DNAI7: variants seen among roughly 807,000 people sequenced by gnomAD.
The protein encoded by DNAI7 is cancer susceptibility 1.
DNAI7 carries 78 observed loss-of-function variants against 86.6 expected under a neutral mutation model. The observed-to-expected ratio is 0.90, with a 90% CI of 0.75 to 1.09. The LOEUF (loss-of-function observed/expected upper bound fraction) is 1.09. DNAI7 is among the 50% of genes least tolerant of loss of function. The pLI is 0.00. For synonymous variants in DNAI7, 274 were observed against 273.0 expected (o/e 1.00, Z -0.04); for missense variants, 753 against 810.2 (o/e 0.93, Z 0.86).
intron 9 of DNAI7, among the ~76,000 whole-genome samples, chr12:25,137,232 C>T (rs538796015): frequency 1.3e-5 from 2 of 152,120 alleles, no homozygotes; most frequent in Non-Finnish European, 2.9e-5. Flanking sequence ...CTATCTTTAG[C>T]CTCCTTAAAC....
intron 6 of DNAI7, among the ~76,000 whole-genome samples, chr12:25,152,419 G>A (rs1178427360): frequency 1.3e-5 from 2 of 152,204 alleles, no homozygotes; most frequent in Non-Finnish European, 2.9e-5. Context: ...CAAACAACGA[G>A]GTTCAGAGAA....
chr12:25,158,263 A>G (rs563819939), intron 4 of DNAI7, among the ~76,000 whole-genome samples: 1 of 152,204 alleles, frequency 6.6e-6, no homozygotes, highest in Admixed American at 6.5e-5. Context: ...AGTCTTTGCT[A>G]TGCCACTGAT....
chr12:25,116,540 C>A (rs1940145620), intron 12 of DNAI7, among the ~76,000 whole-genome samples: 1 of 151,834 alleles, frequency 6.6e-6, no homozygotes, highest in Admixed American at 6.6e-5. Context: ...ACTCTTGTCA[C>A]CCAGGCTGGA....
Position 25,149,532 on chromosome 12 carries a change from C to G in DNAI7, c.585+96G>C, listed in dbSNP as rs1247963503. 2.1e-5 allele frequency: 18 copies of G among 861,380 alleles called. No homozygotes were observed. In the Admixed American group the frequency reaches 2.3e-4, roughly 11 times the overall value. The allele number at this position is 861,380 out of a possible 1,614,324, so 53.4% of individuals were successfully genotyped here. A position where few individuals can be genotyped will look rare whatever the true frequency, so the allele number is the denominator to read the frequency against. On this transcript the variant is annotated intron_variant, in intron 7 of 15. Coordinates refer to ENST00000395987, the MANE Select transcript of DNAI7 (RefSeq NM_018272.5). The stretch of plus-strand genomic sequence containing the variant: ...ATTATTCTGCTAACTTTTCCATAAT[C>G]TCTTCATTTTTCAATTTAAAAAATA...
At chr12:25,183,527 T>C (rs892074595) in intron 2 of DNAI7, among the ~76,000 whole-genome samples, 2 of 152,102 alleles carry the variant, frequency 1.3e-5, no homozygotes, top group African/African-American at 4.8e-5. Context: ...ATATAAGCTT[T>C]TGTTTTTCTA....
intron 2 of DNAI7, among the ~76,000 whole-genome samples, chr12:25,183,769 T>G (rs868239311): frequency 2.6e-5 from 4 of 152,288 alleles, no homozygotes; most frequent in South Asian, 4.1e-4. Context: ...TCTTTATTAT[T>G]GACAATCTTT....
At chr12:25,149,299 C>T (rs1945224616) in intron 7 of DNAI7, among the ~76,000 whole-genome samples, 1 of 151,986 alleles carries the variant, frequency 6.6e-6, no homozygotes, top group Admixed American at 6.6e-5. Flanking sequence ...AAATATTTGG[C>T]GGGGAGCAGT....
intron 9 of DNAI7, among the ~76,000 whole-genome samples, chr12:25,135,307 AG>A (rs1185915138): frequency 6.6e-6 from 1 of 152,210 alleles, no homozygotes; most frequent in Admixed American, 6.5e-5. Flanking sequence ...CAGTGGGAAG[AG>A]CCCTGTAGGC....
At position 25,144,684 on chromosome 12, in the gene DNAI7, A is replaced by T; in HGVS notation, c.690-7T>A. 6.3e-7 allele frequency: 1 copy of T among 1,596,790 alleles called. No individual in the cohort carries two copies. Among genetic ancestry groups the T allele is most frequent in the South Asian group, 1.1e-5 (1 of 88,490 alleles). On this transcript the variant is annotated splice_region_variant and splice_polypyrimidine_tract_variant and intron_variant, in intron 8 of 15. Transcript: ENST00000395987. ...GAATCTAACACTTCTGTGCCTGTTA[A>T]TAATTAATTACAACAAAAAAAGATG... is the stretch of plus-strand genomic sequence containing the variant.
At chr12:25,128,812 G>C (rs1425115935) in intron 9 of DNAI7, among the ~76,000 whole-genome samples, 13 of 152,028 alleles carry the variant, frequency 8.6e-5, no homozygotes, top group Non-Finnish European at 1.8e-4. Flanking sequence ...TATTTAACTA[G>C]ACACTGTGCT....
intron 10 of DNAI7, 47 bp from the exon 11 acceptor site, chr12:25,121,960 A>G: frequency 7.6e-7 from 1 of 1,314,042 alleles, no homozygotes; most frequent in Middle Eastern, 1.9e-4. Flanking sequence ...ACAGTTTAGT[A>G]TGTTCTTAGG....
Position 25,190,633 on chromosome 12 carries a change from TAAA to T in DNAI7, c.4-5_4-3del. On this transcript the variant is annotated splice_region_variant and splice_polypyrimidine_tract_variant and intron_variant, in intron 1 of 15. Coordinates refer to ENST00000395987, the MANE Select transcript of DNAI7 (RefSeq NM_018272.5). Reference sequence around the variant, plus strand: ...ACATACCTTTTTTGCTTTGGGACCCTAAAAGTTGGAAAACAAAAGAATTGATCA... The same window carrying T: ...ACATACCTTTTTTGCTTTGGGACCCTAGTTGGAAAACAAAAGAATTGATCA... 7.1e-7 allele frequency: 1 copy of T among 1,409,318 alleles called. No homozygotes were observed. The allele number at this position is 1,409,318 out of a possible 1,614,324, so 87.3% of individuals were successfully genotyped here.
At chr12:25,145,801 T>TAA (rs1264257324) in intron 8 of DNAI7, among the ~76,000 whole-genome samples, 3 of 152,206 alleles carry the variant, frequency 2.0e-5, no homozygotes, top group African/African-American at 7.2e-5. Flanking sequence ...TTAAAATGTT[T>TAA]AAAGATCAAG....
chr12:25,161,066 G>C (rs769126244), intron 3 of DNAI7, 47 bp downstream of exon 3: 2 of 1,410,318 alleles, frequency 1.4e-6, no homozygotes, highest in East Asian at 4.6e-5. Context: ...CCAACCTATC[G>C]TGACTATTAC....
intron 9 of DNAI7, among the ~76,000 whole-genome samples, chr12:25,134,352 C>CTTTTTTTTTTTTTTTTTTTTTTTTTTTT (rs5797119): frequency 2.2e-5 from 2 of 91,178 alleles, no homozygotes; most frequent in African/African-American, 4.2e-5. Flanking sequence ...CCTTGGCGTA[C>CTTTTTTTTTTTTTTTTTTTTTTTTTTTT]TTTTTTTTTT....
Position 25,108,385 on chromosome 12 carries a change from A to T in DNAI7, c.*163T>A. On this transcript the variant is annotated 3_prime_UTR_variant, in exon 16 of 16. Coordinates refer to ENST00000395987, the MANE Select transcript of DNAI7 (RefSeq NM_018272.5). Reference sequence around the variant, plus strand: ...CAGGCCAAGTATTCAAAGGAAAAAAAAATACTGTTTTTAAAATAAAACTTG... The same window carrying T: ...CAGGCCAAGTATTCAAAGGAAAAAATAATACTGTTTTTAAAATAAAACTTG... 1.5e-6 allele frequency: 1 copy of T among 654,224 alleles called. No individual in the cohort carries two copies. Among genetic ancestry groups the T allele is most frequent in the Non-Finnish European group, 2.4e-6 (1 of 414,152 alleles). The allele number at this position is 654,224 out of a possible 1,614,324, so 40.5% of individuals were successfully genotyped here. A position where few individuals can be genotyped will look rare whatever the true frequency, so the allele number is the denominator to read the frequency against.
At chr12:25,181,108 T>C (rs12306774) in intron 2 of DNAI7, among the ~76,000 whole-genome samples, 6,185 of 152,082 alleles carry the variant, frequency 0.041, 425 homozygotes, top group African/African-American at 0.14. Flanking sequence ...GTGCCCGGCC[T>C]ATAATTTTTT....
chr12:25,163,775 C>G (rs1215834055), intron 2 of DNAI7, among the ~76,000 whole-genome samples: 2 of 152,168 alleles, frequency 1.3e-5, no homozygotes, highest in Non-Finnish European at 2.9e-5. Context: ...ATCTGGTAAG[C>G]GGCCTCTTTT....
At chr12:25,135,848 AC>A (rs1243619849) in intron 9 of DNAI7, among the ~76,000 whole-genome samples, 2 of 151,254 alleles carry the variant, frequency 1.3e-5, no homozygotes, top group Admixed American at 6.6e-5. Flanking sequence ...AGCCGCAGCA[AC>A]CCCCGCCCAA....
Sources: allele counts gnomAD v4.1 joint callset (sites outside exome capture counted in the v4.1 genomes callset), GRCh38; gene constraint gnomAD v4.1.1; transcripts MANE v1.5; gene names NCBI Gene and HGNC (gene_info 2026-07-23, HGNC 2026-07-21).